Variants in GRID1 observed in about 807,000 individuals in gnomAD.
The protein encoded by GRID1 is glutamate receptor ionotropic, delta-1.
In GRID1, 28 loss-of-function variants were observed where a neutral mutation model predicts 98.0. The ratio of observed to expected loss-of-function variants is 0.29; its 90% CI spans 0.21 to 0.39. The LOEUF (loss-of-function observed/expected upper bound fraction) is 0.39, where lower values mean the gene tolerates loss of function less well. Ranked by LOEUF, GRID1 falls within the 10% of genes least tolerant of loss-of-function variation. GRID1 has a pLI of 1.00. For synonymous variants in GRID1, 553 were observed against 538.5 expected (o/e 1.03, Z -0.37); for missense variants, 1,111 against 1,340.5 (o/e 0.83, Z 2.67).
At chr10:85,756,870 A>G (rs74611276) in intron 8 of GRID1, among the ~76,000 whole-genome samples, 2,898 of 152,024 alleles carry the variant, frequency 0.019, 69 homozygotes, top group Non-Finnish European at 0.025. Flanking sequence ...ACCAATATAA[A>G]CTCCTCTAAT....
intron 5 of GRID1, among the ~76,000 whole-genome samples, chr10:85,878,999 C>A (rs1840957038): frequency 6.6e-6 from 1 of 151,164 alleles, no homozygotes; most frequent in Non-Finnish European, 1.5e-5. Context: ...GACTTTAAAC[C>A]AACAAAGATC....
intron 5 of GRID1, among the ~76,000 whole-genome samples, chr10:85,874,021 C>G (rs1843304195): frequency 6.6e-6 from 1 of 152,180 alleles, no homozygotes; most frequent in African/African-American, 2.4e-5. Context: ...ACAATTTATT[C>G]ACCCTATTGT....
At chr10:85,784,159 C>T (rs560779668) in intron 8 of GRID1, among the ~76,000 whole-genome samples, 2 of 152,318 alleles carry the variant, frequency 1.3e-5, no homozygotes, top group South Asian at 4.1e-4. Flanking sequence ...CATGGACCTT[C>T]TCTTGCAAGA....
chr10:86,218,139 TTC>T (rs146317746), intron 2 of GRID1, among the ~76,000 whole-genome samples: 3,899 of 152,178 alleles, frequency 0.026, 189 homozygotes, highest in African/African-American at 0.089. Context: ...ACTTCTGACT[TTC>T]TGAGTCTTGG....
intron 4 of GRID1, among the ~76,000 whole-genome samples, chr10:86,138,569 C>T (rs1020766741): frequency 1.3e-5 from 2 of 152,212 alleles, no homozygotes; most frequent in Admixed American, 1.3e-4. Flanking sequence ...TGTAAACAGG[C>T]TTCCACCAGC....
At chr10:86,351,464 C>A (rs142732373) in intron 2 of GRID1, among the ~76,000 whole-genome samples, 1 of 152,162 alleles carries the variant, frequency 6.6e-6, no homozygotes, top group East Asian at 1.9e-4. Flanking sequence ...GCAGCACAGG[C>A]CCCCCTACAA....
chr10:85,714,390 C>T (rs572705801), intron 12 of GRID1, among the ~76,000 whole-genome samples: 1 of 151,742 alleles, frequency 6.6e-6, no homozygotes. Flanking sequence ...TGTACATGTA[C>T]CCCGAACCTA....
At chr10:85,782,237 C>A (rs1276035620) in intron 8 of GRID1, among the ~76,000 whole-genome samples, 2 of 151,816 alleles carry the variant, frequency 1.3e-5, no homozygotes, top group South Asian at 2.1e-4. Context: ...TGCACACACA[C>A]ACACACACAC....
At chr10:86,212,125 A>C (rs1010274127) in intron 2 of GRID1, among the ~76,000 whole-genome samples, 2 of 152,218 alleles carry the variant, frequency 1.3e-5, no homozygotes, top group South Asian at 2.1e-4. Flanking sequence ...GAACATTCTC[A>C]GAACAAGGCT....
At chr10:86,196,838 GCA>G in intron 3 of GRID1, among the ~76,000 whole-genome samples, 1 of 151,730 alleles carries the variant, frequency 6.6e-6, no homozygotes, top group East Asian at 1.9e-4. Context: ...CTTTGCCTTT[GCA>G]CATACTTGGA....
At chr10:85,876,460 A>G (rs180804833) in intron 5 of GRID1, among the ~76,000 whole-genome samples, 2 of 152,242 alleles carry the variant, frequency 1.3e-5, no homozygotes, top group African/African-American at 2.4e-5. Context: ...TATCCAGATA[A>G]CCCAAGATAA....
intron 2 of GRID1, among the ~76,000 whole-genome samples, chr10:86,277,664 G>A (rs1445937394): frequency 2.0e-5 from 3 of 152,046 alleles, no homozygotes; most frequent in Non-Finnish European, 4.4e-5. Flanking sequence ...GTGTAATCCT[G>A]AGGGTAACCA....
chr10:86,364,051 T>C lies in GRID1; in HGVS notation c.125A>G (p.Gln42Arg). Reference protein sequence around the residue: ...ENAAKDDRVFQLAVSDLSLND... With the variant: ...ENAAKDDRVFRLAVSDLSLND... The stretch of plus-strand genomic sequence containing the variant: ...GAGGCTCAGGTCGGATACCGCCAAC[T>C]GGAACACCCTGTCGTCCTTGGCCGC... The change falls in exon 2 of 16, where the codon CAG becomes CGG. Residue 42 changes from glutamine to arginine, a missense_variant. By Grantham distance (43) the Gln-to-Arg change is conservative. Around this residue, in one of 3 missense-constraint regions of GRID1, gnomAD observed 346 missense variants for 452.3 expected, o/e 0.76. Transcript: ENST00000327946. 1 of 1,613,910 alleles carries C rather than the reference T, an allele frequency of 6.2e-7. No homozygotes were observed. Among genetic ancestry groups the C allele is most frequent in the Non-Finnish European group, 8.5e-7 (1 of 1,179,758 alleles).
chr10:85,811,211 C>A (rs903316784), intron 8 of GRID1, among the ~76,000 whole-genome samples: 1 of 152,164 alleles, frequency 6.6e-6, no homozygotes, highest in Non-Finnish European at 1.5e-5. Context: ...AGCCAATCGA[C>A]ATATAAAAAC....
At chr10:85,858,885 A>G (rs1275928390) in intron 6 of GRID1, among the ~76,000 whole-genome samples, 1 of 152,232 alleles carries the variant, frequency 6.6e-6, no homozygotes, top group South Asian at 2.1e-4. Flanking sequence ...CAGCACTTCT[A>G]TTCACAATCA....
chr10:85,981,650 C>T (rs1378797648), intron 4 of GRID1, among the ~76,000 whole-genome samples: 2 of 152,196 alleles, frequency 1.3e-5, no homozygotes, highest in African/African-American at 4.8e-5. Flanking sequence ...TTCACCATTG[C>T]TCTCCGTCTT....
At chr10:85,840,354 T>C (rs1842950722) in intron 8 of GRID1, among the ~76,000 whole-genome samples, 1 of 151,976 alleles carries the variant, frequency 6.6e-6, no homozygotes. Context: ...ATAAGAGCCA[T>C]ATGTAAAAAA....
At chr10:86,300,201 C>T (rs1847661651) in intron 2 of GRID1, among the ~76,000 whole-genome samples, 1 of 151,826 alleles carries the variant, frequency 6.6e-6, no homozygotes, top group Non-Finnish European at 1.5e-5. Context: ...ACACCAGAAG[C>T]CACAGAAGCT....
At chr10:86,354,539 C>T (rs552939805) in intron 2 of GRID1, among the ~76,000 whole-genome samples, 1 of 152,360 alleles carries the variant, frequency 6.6e-6, no homozygotes, top group African/African-American at 2.4e-5. Context: ...CTCTCTAGAT[C>T]CACCACCACA....
Sources: allele counts gnomAD v4.1 joint callset (sites outside exome capture counted in the v4.1 genomes callset), GRCh38; gene constraint gnomAD v4.1.1; regional missense constraint gnomAD v4.1.1; transcripts MANE v1.5; gene names NCBI Gene and HGNC (gene_info 2026-07-23, HGNC 2026-07-21).